Variants in KIAA0825 observed in about 807,000 individuals in gnomAD.
KIAA0825 encodes KIAA0825.
In KIAA0825, 119 loss-of-function variants were observed where a neutral mutation model predicts 147.6. The observed-to-expected ratio is 0.81, with a 90% CI of 0.69 to 0.94. The LOEUF (loss-of-function observed/expected upper bound fraction) is 0.94, where lower values mean the gene tolerates loss of function less well. KIAA0825 is among the 40% of genes least tolerant of loss of function. The probability of loss-of-function intolerance (pLI) is 0.00; values close to 1 mark genes in which losing one functional copy is unlikely to be tolerated. For synonymous variants in KIAA0825, 470 were observed against 518.1 expected (o/e 0.91, Z 1.26); for missense variants, 1,381 against 1,472.7 (o/e 0.94, Z 1.02).
chr5:94,323,078 C>T (rs1780347324), intron 20 of KIAA0825, among the ~76,000 whole-genome samples: 1 of 151,850 alleles, frequency 6.6e-6, no homozygotes, highest in Admixed American at 6.6e-5. Flanking sequence ...GGCCTATTTA[C>T]TGCTCGATGG....
In KIAA0825 at chr5:94,153,897, T is replaced by C; in HGVS notation, c.*110A>G. The C allele has an allele frequency of 3.0e-6, 2 of 675,934 alleles. No individual in the cohort carries two copies. The highest frequency in any genetic ancestry group is 5.2e-6 in the Non-Finnish European group (2 of 383,120). 41.9% of individuals were successfully genotyped at this position (675,934 alleles called of 1,614,324 possible). A position where few individuals can be genotyped will look rare whatever the true frequency, so the allele number is the denominator to read the frequency against. On this transcript the variant is annotated 3_prime_UTR_variant, in exon 21 of 21. Transcript: ENST00000682413. ...TTCAGTACAGAGATTACTCAGTCAT[T>C]GGTTTCATGCTTCACAGCACATATG...
At chr5:94,402,528 A>G (rs903908282) in intron 16 of KIAA0825, among the ~76,000 whole-genome samples, 6 of 152,058 alleles carry the variant, frequency 3.9e-5, no homozygotes, top group Non-Finnish European at 7.4e-5. Flanking sequence ...AAGCATTACT[A>G]TGAAAGGTCA....
intron 20 of KIAA0825, among the ~76,000 whole-genome samples, chr5:94,381,860 A>T (rs945828778): frequency 2.0e-5 from 3 of 152,162 alleles, no homozygotes; most frequent in Non-Finnish European, 4.4e-5. Flanking sequence ...ATGTGGGGAG[A>T]CTAATTCCAC....
In KIAA0825 at chr5:94,560,546, A is replaced by AG. The variant is rs1262568311; in HGVS notation, c.-2+21886dup. Among the ~76,000 whole-genome samples the AG allele has an allele frequency of 8.5e-5, 13 of 152,380 alleles. No individual in the cohort carries two copies. The South Asian group carries it at 1.7e-3, about 19-fold the overall frequency. ...TGTAAAAATAAAAATCAAACAAAAA[A>AG]GAATATGCTACAGAGGCCATATGTG... On this transcript the variant is annotated intron_variant, in intron 2 of 20. Coordinates refer to ENST00000682413, the MANE Select transcript of KIAA0825 (RefSeq NM_001145678.3).
At chr5:94,181,931 C>G (rs1258572635) in intron 20 of KIAA0825, among the ~76,000 whole-genome samples, 1 of 152,186 alleles carries the variant, frequency 6.6e-6, no homozygotes, top group Non-Finnish European at 1.5e-5. Flanking sequence ...TGGACACCAG[C>G]TGCAGGAAAC....
At chr5:94,223,800 G>T (rs1034252002) in intron 20 of KIAA0825, among the ~76,000 whole-genome samples, 4 of 152,004 alleles carry the variant, frequency 2.6e-5, no homozygotes, top group African/African-American at 9.7e-5. Flanking sequence ...AATAATTTTT[G>T]TCTTGTAGAA....
At chr5:94,460,435 T>A (rs990040032) in intron 12 of KIAA0825, among the ~76,000 whole-genome samples, 2 of 152,036 alleles carry the variant, frequency 1.3e-5, no homozygotes, top group Non-Finnish European at 2.9e-5. Flanking sequence ...TACGCTAAGT[T>A]CAGAAAGGAA....
At chr5:94,329,565 G>C (rs528066669) in intron 20 of KIAA0825, among the ~76,000 whole-genome samples, 170 of 152,200 alleles carry the variant, frequency 1.1e-3, no homozygotes, top group African/African-American at 3.6e-3. Context: ...GGGAGAAAAT[G>C]GAGTAAGTCT....
chr5:94,169,877 G>A (rs1458881194), intron 20 of KIAA0825, among the ~76,000 whole-genome samples: 1 of 152,112 alleles, frequency 6.6e-6, no homozygotes, highest in Non-Finnish European at 1.5e-5. Context: ...AATTTTATGA[G>A]ATGGGTTAAC....
chr5:94,176,851 T>C (rs1339237075), intron 20 of KIAA0825, among the ~76,000 whole-genome samples: 2 of 152,258 alleles, frequency 1.3e-5, no homozygotes, highest in Admixed American at 1.3e-4. Flanking sequence ...TGCTGAGATA[T>C]GCTGCATCTC....
chr5:94,565,273 C>T (rs1244944571), intron 2 of KIAA0825, among the ~76,000 whole-genome samples: 1 of 150,474 alleles, frequency 6.6e-6, no homozygotes, highest in Non-Finnish European at 1.5e-5. Context: ...AACTCATTCT[C>T]TATCTGCTGC....
At chr5:94,242,901 G>A (rs1031856314) in intron 20 of KIAA0825, among the ~76,000 whole-genome samples, 1 of 152,122 alleles carries the variant, frequency 6.6e-6, no homozygotes, top group Non-Finnish European at 1.5e-5. Context: ...GATTACAGGT[G>A]TGAGCCACCT....
intron 20 of KIAA0825, among the ~76,000 whole-genome samples, chr5:94,281,877 C>T (rs140703894): frequency 1.9e-3 from 295 of 152,162 alleles, no homozygotes; most frequent in African/African-American, 6.9e-3. Context: ...CTATTTTTCT[C>T]TCTTCAAAAC....
chr5:94,185,533 T>TGGG (rs934792640), intron 20 of KIAA0825, among the ~76,000 whole-genome samples: 5 of 152,182 alleles, frequency 3.3e-5, no homozygotes, highest in African/African-American at 1.2e-4. Context: ...GACCTTTCCT[T>TGGG]ATTTTAAGTT....
chr5:94,327,842 C>T lies in KIAA0825; in HGVS notation c.3710+56526G>A, dbSNP rs549588016. ...CCAACAAGGTGAAACCCCGTCTCTA[C>T]TAAGAATACAAAAATTAGCTGGGCG... On this transcript the variant is annotated intron_variant, in intron 20 of 20. Coordinates refer to ENST00000682413, the MANE Select transcript of KIAA0825 (RefSeq NM_001145678.3). Among the ~76,000 whole-genome samples the T allele has an allele frequency of 2.0e-5, 3 of 152,140 alleles. No homozygotes were observed. In the East Asian group the frequency reaches 5.8e-4, roughly 29 times the overall value.
intron 5 of KIAA0825, among the ~76,000 whole-genome samples, chr5:94,489,373 C>G (rs1763434696): frequency 6.6e-6 from 1 of 151,992 alleles, no homozygotes. Flanking sequence ...CGGGACGAAG[C>G]CCAGAAATAT....
At chr5:94,255,786 A>C (rs1583973275) in intron 20 of KIAA0825, among the ~76,000 whole-genome samples, 1 of 128,276 alleles carries the variant, frequency 7.8e-6, no homozygotes, top group East Asian at 2.2e-4. Context: ...TGGCATGATC[A>C]CATGGAGCCT....
rs1294633201 is a variant in KIAA0825 at position 94,153,408 on chromosome 5, A to G, written c.*599T>C. 2 of 152,116 alleles carry G rather than the reference A, an allele frequency of 1.3e-5. No individual in the cohort carries two copies. The highest frequency in any genetic ancestry group is 4.8e-5 in the African/African-American group (2 of 41,436). 9.4% of individuals were successfully genotyped at this position (152,116 alleles called of 1,614,324 possible). On this transcript the variant is annotated 3_prime_UTR_variant, in exon 21 of 21. Transcript: ENST00000682413. ...GTATAGGACCTGAATATGTATGAGT[A>G]GAAATTTGATTCTGGTTTAGGAGGA...
chr5:94,338,630 T>G (rs1782052025), intron 20 of KIAA0825, among the ~76,000 whole-genome samples: 1 of 152,170 alleles, frequency 6.6e-6, no homozygotes, highest in African/African-American at 2.4e-5. Context: ...ACCACTTTGT[T>G]ACAATTGCCT....
Sources: allele counts gnomAD v4.1 joint callset (sites outside exome capture counted in the v4.1 genomes callset), GRCh38; gene constraint gnomAD v4.1.1; transcripts MANE v1.5; gene names NCBI Gene and HGNC (gene_info 2026-07-23, HGNC 2026-07-21).